TTLL5: variants seen among roughly 807,000 people sequenced by gnomAD.
The protein encoded by TTLL5 is tubulin polyglutamylase TTLL5.
A neutral mutation model predicts 168.4 loss-of-function variants in TTLL5; 132 were observed. The ratio of observed to expected loss-of-function variants is 0.78; its 90% CI spans 0.68 to 0.91. The LOEUF is 0.91. Among genes scored for constraint, TTLL5 ranks in the 40% least tolerant of loss-of-function variants. The pLI, the probability that TTLL5 is intolerant of heterozygous loss-of-function variation, is 0.00. For missense variants in TTLL5, 1,545 were observed against 1,581.5 expected, an observed-to-expected ratio of 0.98 and a Z score of 0.39; for synonymous variants, 546 against 558.6, an observed-to-expected ratio of 0.98 and a Z score of 0.32.
intron 27 of TTLL5, among the ~76,000 whole-genome samples, chr14:75,816,462 C>A (rs958458311): frequency 3.9e-5 from 6 of 152,096 alleles, no homozygotes; most frequent in African/African-American, 1.4e-4. Context: ...AGTGAGTGTT[C>A]CATAAGTGGT....
At chr14:75,704,480 A>T (rs770236980) in intron 7 of TTLL5, among the ~76,000 whole-genome samples, 10 of 152,234 alleles carry the variant, frequency 6.6e-5, no homozygotes, top group Non-Finnish European at 1.3e-4. Flanking sequence ...TGGAGGTTGC[A>T]GTGAGCTGAA....
At position 75,783,414 on chromosome 14, in the gene TTLL5, C is replaced by G. The variant is rs750917064; in HGVS notation, c.2870C>G (p.Pro957Arg). The G allele has an allele frequency of 6.2e-7, 1 of 1,614,196 alleles. No homozygotes were observed. Among genetic ancestry groups the G allele is most frequent in the African/African-American group, 1.3e-5 (1 of 75,056 alleles). Residue 957 changes from proline to arginine, a missense_variant, in exon 26 of 32, where the codon CCT (proline) becomes CGT (arginine). Coordinates refer to ENST00000298832, the MANE Select transcript of TTLL5 (RefSeq NM_015072.5). ...CCCGGGGCACAGAACATCCCAAGCC[C>G]TACTGGCCTGCCACGCTGTCGATCA... Reference protein sequence around the residue: ...LHPGAQNIPSPTGLPRCRSGS... With the variant: ...LHPGAQNIPSRTGLPRCRSGS...
chr14:75,733,802 A>G (rs1177846093), intron 13 of TTLL5, among the ~76,000 whole-genome samples, 187 bp from the exon 14 acceptor site: 1 of 152,140 alleles, frequency 6.6e-6, no homozygotes, highest in Non-Finnish European at 1.5e-5. Flanking sequence ...CGAATTTAAC[A>G]CCAGGATTTC....
chr14:75,923,632 A>G (rs2033904264), intron 31 of TTLL5, among the ~76,000 whole-genome samples: 1 of 152,194 alleles, frequency 6.6e-6, no homozygotes, highest in Non-Finnish European at 1.5e-5. Flanking sequence ...ACTTCCAATT[A>G]TGTGGTCAAT....
intron 28 of TTLL5, among the ~76,000 whole-genome samples, chr14:75,836,532 T>G (rs1895878407): frequency 6.6e-6 from 1 of 152,130 alleles, no homozygotes; most frequent in Admixed American, 6.5e-5. Flanking sequence ...TATACATTTT[T>G]AAGTAACTAA....
intron 23 of TTLL5, 28 bp from the exon 24 acceptor site, chr14:75,779,547 C>T: frequency 6.2e-7 from 1 of 1,606,114 alleles, no homozygotes; most frequent in South Asian, 1.1e-5. Flanking sequence ...AGCTTCCTGT[C>T]TGACCATACT....
intron 6 of TTLL5, 58 bp downstream of exon 6, chr14:75,690,380 C>G: frequency 6.5e-7 from 1 of 1,535,994 alleles, no homozygotes; most frequent in Non-Finnish European, 8.7e-7. Flanking sequence ...GGAATATTTA[C>G]CCCAAAAGCC....
intron 26 of TTLL5, among the ~76,000 whole-genome samples, chr14:75,783,929 G>A (rs1892212782): frequency 6.6e-6 from 1 of 152,102 alleles, no homozygotes; most frequent in Admixed American, 6.6e-5. Flanking sequence ...AATAACCAAA[G>A]AATTCTTAGA....
rs1405259816 is a variant in TTLL5, at chr14:75,669,485, T to C, written c.144T>C (p.Ala48=). 6.2e-6 allele frequency: 10 copies of C among 1,614,032 alleles called. No individual in the cohort carries two copies. Among genetic ancestry groups the C allele is most frequent in the East Asian group, 2.2e-5 (1 of 44,890 alleles). The part of the protein sequence containing the change: ...RIPVLVFHAD[A]ILTKDNNIRV... ...CAGTTTTGGTATTCCATGCCGACGCTATTCTTACAAAGGACAACAATATTA... is the reference window on the plus strand; with the variant it reads ...CAGTTTTGGTATTCCATGCCGACGCCATTCTTACAAAGGACAACAATATTA... The change falls in exon 3 of 32, where the codon GCT becomes GCC. Residue 48 remains alanine (A), a synonymous_variant. Coordinates refer to ENST00000298832, the MANE Select transcript of TTLL5 (RefSeq NM_015072.5).
chr14:75,785,411 C>T (rs1463831631), intron 26 of TTLL5, among the ~76,000 whole-genome samples: 1 of 152,146 alleles, frequency 6.6e-6, no homozygotes, highest in Non-Finnish European at 1.5e-5. Context: ...ATCTCTTGAC[C>T]TTGTGATCCA....
At chr14:75,853,781 C>T (rs969135783) in intron 28 of TTLL5, among the ~76,000 whole-genome samples, 6 of 152,196 alleles carry the variant, frequency 3.9e-5, no homozygotes, top group Non-Finnish European at 7.3e-5. Flanking sequence ...CAGTGGCTTA[C>T]GCCTGTAATC....
At chr14:75,885,413 A>G (rs141109816) in intron 30 of TTLL5, among the ~76,000 whole-genome samples, 1 of 151,600 alleles carries the variant, frequency 6.6e-6, no homozygotes, top group East Asian at 1.9e-4. Context: ...AATAGTGTGA[A>G]CCCGGGAGGC....
chr14:75,763,728 T>C (rs918134350), intron 18 of TTLL5, among the ~76,000 whole-genome samples: 6 of 152,244 alleles, frequency 3.9e-5, no homozygotes, highest in African/African-American at 1.4e-4. Flanking sequence ...TGTATTTTGC[T>C]CAGTCCTTGT....
intron 26 of TTLL5, among the ~76,000 whole-genome samples, chr14:75,785,929 G>A (rs6574254): frequency 0.015 from 2,327 of 152,230 alleles, 75 homozygotes; most frequent in African/African-American, 0.053. Context: ...ATTTTGATAG[G>A]ATTATTATCT....
intron 30 of TTLL5, among the ~76,000 whole-genome samples, chr14:75,890,112 A>G (rs1419658501): frequency 6.6e-6 from 1 of 152,202 alleles, no homozygotes; most frequent in Non-Finnish European, 1.5e-5. Flanking sequence ...GGAAAGACCC[A>G]TGAGGACTTC....
In TTLL5 at chr14:75,707,014, A is replaced by G. The variant is rs776201515; in HGVS notation, c.586-4A>G. ...TTCTTTCATTCTTTCTCTTTACTCA[A>G]TAGCCAAACCAGATCTCCCTGGAAG... On this transcript the variant is annotated splice_region_variant and splice_polypyrimidine_tract_variant and intron_variant, in intron 7 of 31. Coordinates refer to ENST00000298832, the MANE Select transcript of TTLL5 (RefSeq NM_015072.5). 4.4e-6 allele frequency: 7 copies of G among 1,607,218 alleles called. No individual in the cohort carries two copies. The highest frequency in any genetic ancestry group is 3.4e-5 in the Admixed American group (2 of 59,606).
chr14:75,707,552 C>T (rs1467545104), intron 8 of TTLL5, 71 bp from the exon 9 acceptor site: 32 of 1,362,970 alleles, frequency 2.3e-5, no homozygotes, highest in South Asian at 1.3e-4. Context: ...TTCTTGGTTT[C>T]GTTGTTTATT....
intron 28 of TTLL5, among the ~76,000 whole-genome samples, chr14:75,842,536 TTTGA>T (rs1372936917): frequency 6.6e-6 from 1 of 152,198 alleles, no homozygotes; most frequent in Non-Finnish European, 1.5e-5. Flanking sequence ...TGGTTTTGTT[TTTGA>T]TTGATTTTAC....
intron 21 of TTLL5, among the ~76,000 whole-genome samples, chr14:75,772,531 A>C (rs982386681): frequency 2.0e-5 from 3 of 152,120 alleles, no homozygotes; most frequent in African/African-American, 7.2e-5. Context: ...AATCATTTTT[A>C]CTGTATATCA....
Sources: allele counts gnomAD v4.1 joint callset (sites outside exome capture counted in the v4.1 genomes callset), GRCh38; gene constraint gnomAD v4.1.1; transcripts MANE v1.5; gene names NCBI Gene and HGNC (gene_info 2026-07-23, HGNC 2026-07-21).